Variants in SVEP1 observed in about 807,000 individuals in gnomAD.
SVEP1 encodes the protein sushi, von Willebrand factor type A, EGF and pentraxin domain containing 1.
SVEP1 carries 164 observed loss-of-function variants against 367.3 expected under a neutral mutation model. That is an observed-to-expected ratio of 0.45 (90% CI 0.39 to 0.51). SVEP1 has a LOEUF of 0.51. SVEP1 is among the 20% of genes least tolerant of loss of function. The pLI, the probability that SVEP1 is intolerant of heterozygous loss-of-function variation, is 0.00. For missense variants in SVEP1, 4,117 were observed against 4,425.3 expected, an observed-to-expected ratio of 0.93 and a Z score of 1.98; for synonymous variants, 1,666 against 1,611.6, an observed-to-expected ratio of 1.03 and a Z score of -0.81.
chr9:110,392,930 C>T (rs1827686564), intron 40 of SVEP1, among the ~76,000 whole-genome samples: 1 of 152,074 alleles, frequency 6.6e-6, no homozygotes, highest in Non-Finnish European at 1.5e-5. Flanking sequence ...GACAAGTTTC[C>T]AGGCAATATT....
chr9:110,424,546 C>G (rs1433724382), intron 36 of SVEP1, among the ~76,000 whole-genome samples: 1 of 152,118 alleles, frequency 6.6e-6, no homozygotes, highest in Non-Finnish European at 1.5e-5. Flanking sequence ...CTAATTATAT[C>G]TGTAATATTG....
chr9:110,528,156 G>GTGTGTGTATATATATATA, intron 3 of SVEP1, among the ~76,000 whole-genome samples: 1,104 of 33,726 alleles, frequency 0.033, 43 homozygotes, highest in Non-Finnish European at 0.042. Flanking sequence ...GTGTGTGTGT[G>GTGTGTGTATATATATATA]TATATATATA....
chr9:110,550,689 C>T (rs1830275342), intron 1 of SVEP1, among the ~76,000 whole-genome samples: 1 of 149,814 alleles, frequency 6.7e-6, no homozygotes, highest in African/African-American at 2.5e-5. Context: ...TGATTCAATA[C>T]TTCATCTTTT....
chr9:110,389,805 A>G (rs1827599389), intron 40 of SVEP1, among the ~76,000 whole-genome samples: 3 of 152,112 alleles, frequency 2.0e-5, no homozygotes, highest in Admixed American at 2.0e-4. Flanking sequence ...CGGTATAATT[A>G]AGGTACAGAC....
intron 1 of SVEP1, among the ~76,000 whole-genome samples, chr9:110,550,542 T>C (rs1830273752): frequency 6.6e-6 from 1 of 151,766 alleles, no homozygotes; most frequent in South Asian, 2.1e-4. Context: ...ATCATCTCTA[T>C]CCAAACCACT....
intron 17 of SVEP1, among the ~76,000 whole-genome samples, chr9:110,466,898 G>C (rs947455687): frequency 1.3e-5 from 2 of 152,158 alleles, no homozygotes; most frequent in South Asian, 4.2e-4. Flanking sequence ...TGCCCAGAGA[G>C]GTGAAGCAAC....
intron 3 of SVEP1, among the ~76,000 whole-genome samples, chr9:110,519,004 G>T (rs1405206274): frequency 6.6e-6 from 1 of 152,144 alleles, no homozygotes; most frequent in Non-Finnish European, 1.5e-5. Context: ...CAATGAACCA[G>T]CATATCATAA....
chr9:110,393,529 G>C (rs535654853), intron 40 of SVEP1, among the ~76,000 whole-genome samples: 1 of 152,260 alleles, frequency 6.6e-6, no homozygotes, highest in South Asian at 2.1e-4. Context: ...TGGGTGCAGT[G>C]CACTGTGCAC....
At chr9:110,432,310 A>G (rs969315764) in intron 31 of SVEP1, among the ~76,000 whole-genome samples, 152 bp downstream of exon 31, 2 of 152,248 alleles carry the variant, frequency 1.3e-5, no homozygotes, top group African/African-American at 4.8e-5. Flanking sequence ...GCACCTCTAC[A>G]TACAGCTGCT....
At chr9:110,550,239 TA>T in intron 1 of SVEP1, 135 bp from the exon 2 acceptor site, 1 of 1,185,508 alleles carries the variant, frequency 8.4e-7, no homozygotes, top group Non-Finnish European at 1.2e-6. Flanking sequence ...CTAGTCAGAG[TA>T]AAACAGAAAT....
intron 39 of SVEP1, among the ~76,000 whole-genome samples, chr9:110,401,664 A>G (rs1358966486): frequency 6.6e-6 from 1 of 151,754 alleles, no homozygotes; most frequent in African/African-American, 2.4e-5. Flanking sequence ...AAAGAAAACA[A>G]TAATATGTAG....
rs1827251561 is a variant in SVEP1, at chr9:110,369,918, C to G, written c.10694+5G>C. The G allele has an allele frequency of 1.2e-5, 20 of 1,610,260 alleles. No individual in the cohort carries two copies. The highest frequency in any genetic ancestry group is 1.6e-5 in the Non-Finnish European group (19 of 1,178,254). ...TAGGCGAACATTAGTTTTTGGTTAT[C>G]TTACCTGGAACAGTTATGTCCCGTC... On this transcript the variant is annotated splice_donor_5th_base_variant and intron_variant, in intron 47 of 47. Transcript: ENST00000374469.
chr9:110,538,536 T>C (rs1412096414), intron 3 of SVEP1, among the ~76,000 whole-genome samples: 1 of 152,050 alleles, frequency 6.6e-6, no homozygotes, highest in Non-Finnish European at 1.5e-5. Flanking sequence ...GAGTGGAGAT[T>C]TGTGTGCATA....
chr9:110,467,127 GCA>G (rs1393470431), intron 17 of SVEP1, among the ~76,000 whole-genome samples: 1 of 152,092 alleles, frequency 6.6e-6, no homozygotes, highest in East Asian at 1.9e-4. Context: ...TGGCAAAGAA[GCA>G]CACTTTTGAA....
chr9:110,573,207 CTTA>C (rs1830586561), intron 1 of SVEP1, among the ~76,000 whole-genome samples: 1 of 151,940 alleles, frequency 6.6e-6, no homozygotes, highest in Non-Finnish European at 1.5e-5. Flanking sequence ...CCAAACTTTC[CTTA>C]TTATTTCAGC....
chr9:110,557,207 C>A (rs79639208), intron 1 of SVEP1, among the ~76,000 whole-genome samples: 17,189 of 152,106 alleles, frequency 0.11, 1,340 homozygotes, highest in East Asian at 0.33. Context: ...TCATTTTTAT[C>A]TCATCCTACT....
At position 110,400,134 on chromosome 9, in the gene SVEP1, A is replaced by G. The variant is rs77448268; in HGVS notation, c.9822+720T>C. The stretch of plus-strand genomic sequence containing the variant: ...TTGCTTATGGGAACTTGGCATCTCA[A>G]TGCCAAGGTATATGAGCCCATTGTT... On this transcript the variant is annotated intron_variant, in intron 40 of 47. Transcript: ENST00000374469. Among the ~76,000 whole-genome samples the G allele has an allele frequency of 8.3e-3, 1,262 of 152,250 alleles. 18 individuals are homozygous for G. The highest frequency in any genetic ancestry group is 0.028 in the African/African-American group (1,154 of 41,532).
intron 27 of SVEP1, among the ~76,000 whole-genome samples, chr9:110,440,134 T>A (rs1001799055): frequency 2.0e-5 from 3 of 152,188 alleles, no homozygotes; most frequent in Non-Finnish European, 4.4e-5. Flanking sequence ...CCTTTTGAAA[T>A]ACCTTTAATG....
At chr9:110,515,763 T>C (rs148410906) in intron 3 of SVEP1, among the ~76,000 whole-genome samples, 41 of 152,338 alleles carry the variant, frequency 2.7e-4, no homozygotes, top group African/African-American at 9.6e-4. Context: ...ATGACGACTA[T>C]AGTTACTCAG....
Sources: allele counts gnomAD v4.1 joint callset (sites outside exome capture counted in the v4.1 genomes callset), GRCh38; gene constraint gnomAD v4.1.1; transcripts MANE v1.5; gene names NCBI Gene and HGNC (gene_info 2026-07-23, HGNC 2026-07-21).